Variants in MTUS2 observed in about 807,000 individuals in gnomAD.
MTUS2 encodes microtubule associated scaffold protein 2, also known as microtubule-associated tumor suppressor candidate 2.
MTUS2 carries 40 observed loss-of-function variants against 114.1 expected under a neutral mutation model. That is an observed-to-expected ratio of 0.35 (90% CI 0.27 to 0.46). The LOEUF (loss-of-function observed/expected upper bound fraction) is 0.46. MTUS2 is among the 20% of genes least tolerant of loss of function. The pLI is 1.00. For missense variants in MTUS2, 1,679 were observed against 1,705.4 expected (o/e 0.98, Z 0.27); for synonymous variants, 688 against 672.0 (o/e 1.02, Z -0.37).
At chr13:29,252,437 C>T (rs568475345) in intron 5 of MTUS2, among the ~76,000 whole-genome samples, 18 of 152,256 alleles carry the variant, frequency 1.2e-4, no homozygotes, top group African/African-American at 2.9e-4. Flanking sequence ...GGTCTAAATG[C>T]GTCCTGGCCA....
At chr13:28,907,446 A>G (rs1455637856) in intron 2 of MTUS2, among the ~76,000 whole-genome samples, 1 of 151,600 alleles carries the variant, frequency 6.6e-6, no homozygotes, top group Admixed American at 6.6e-5. Context: ...CAATTAAAAG[A>G]CAGAGAGTGG....
chr13:29,008,476 C>G (rs1885697234), intron 2 of MTUS2, among the ~76,000 whole-genome samples: 1 of 152,232 alleles, frequency 6.6e-6, no homozygotes, highest in African/African-American at 2.4e-5. Flanking sequence ...CCTTTTGGTT[C>G]ATCTGTCCTG....
At chr13:28,985,920 G>A (rs560258044) in intron 2 of MTUS2, among the ~76,000 whole-genome samples, 6 of 152,242 alleles carry the variant, frequency 3.9e-5, no homozygotes, top group African/African-American at 1.4e-4. Flanking sequence ...TTTCCAGCCC[G>A]ATGGCCCACC....
intron 4 of MTUS2, among the ~76,000 whole-genome samples, chr13:29,039,267 A>G (rs1887232100): frequency 1.3e-5 from 2 of 152,212 alleles, no homozygotes; most frequent in Non-Finnish European, 2.9e-5. Context: ...ACAACAGTGC[A>G]GTGGTAGGGA....
At chr13:29,363,353 T>C (rs1209054334) in intron 8 of MTUS2, among the ~76,000 whole-genome samples, 1 of 152,220 alleles carries the variant, frequency 6.6e-6, no homozygotes, top group African/African-American at 2.4e-5. Context: ...CTTTGTTAAC[T>C]TTATGAATGT....
chr13:29,372,066 G>C (rs1347749565), intron 8 of MTUS2, among the ~76,000 whole-genome samples: 2 of 142,010 alleles, frequency 1.4e-5, no homozygotes, highest in Non-Finnish European at 3.0e-5. Context: ...TCATTTCACA[G>C]TGTAGATGTG....
intron 2 of MTUS2, among the ~76,000 whole-genome samples, chr13:28,996,103 A>C (rs934462292): frequency 6.6e-6 from 1 of 152,190 alleles, no homozygotes; most frequent in African/African-American, 2.4e-5. Flanking sequence ...AGTTTTTAGC[A>C]TGAAGGGTTG....
intron 5 of MTUS2, among the ~76,000 whole-genome samples, chr13:29,169,442 A>G (rs1188179022): frequency 6.6e-6 from 1 of 152,156 alleles, no homozygotes; most frequent in East Asian, 1.9e-4. Flanking sequence ...ATTGGAATTT[A>G]AGAGGTGGTG....
At chr13:28,966,724 C>CAAAAAAAAAAAAAAAAAAA (rs10597818) in intron 2 of MTUS2, among the ~76,000 whole-genome samples, 1 of 82,276 alleles carries the variant, frequency 1.2e-5, no homozygotes, top group Non-Finnish European at 2.2e-5. Context: ...GACCCTGTCT[C>CAAAAAAAAAAAAAAAAAAA]AAAAAAAAAA....
intron 7 of MTUS2, among the ~76,000 whole-genome samples, chr13:29,350,983 A>C (rs1387078085): frequency 1.4e-5 from 2 of 143,354 alleles, no homozygotes; most frequent in Admixed American, 6.9e-5. Context: ...ATATATATAT[A>C]TCTTCAGAGG....
intron 4 of MTUS2, among the ~76,000 whole-genome samples, chr13:29,048,211 T>C (rs1887725571): frequency 6.6e-6 from 1 of 152,216 alleles, no homozygotes; most frequent in South Asian, 2.1e-4. Flanking sequence ...TCTCTACAGT[T>C]CTTATTTAGG....
At chr13:29,113,441 T>G (rs1890960783) in intron 5 of MTUS2, among the ~76,000 whole-genome samples, 1 of 152,202 alleles carries the variant, frequency 6.6e-6, no homozygotes, top group African/African-American at 2.4e-5. Context: ...AATAGGGCCC[T>G]CCTGTCTCTT....
intron 2 of MTUS2, among the ~76,000 whole-genome samples, chr13:29,002,182 A>G (rs904838578): frequency 2.6e-5 from 4 of 152,240 alleles, no homozygotes; most frequent in African/African-American, 9.6e-5. Flanking sequence ...AGTGGGCTGT[A>G]TTATACATAC....
intron 1 of MTUS2, among the ~76,000 whole-genome samples, chr13:28,831,491 A>G (rs1312550635): frequency 6.6e-6 from 1 of 152,206 alleles, no homozygotes; most frequent in Non-Finnish European, 1.5e-5. Flanking sequence ...GAGAGCTGGA[A>G]TGGCTATACC....
chr13:29,134,851 G>T (rs1278395824), intron 5 of MTUS2, among the ~76,000 whole-genome samples: 3 of 152,164 alleles, frequency 2.0e-5, no homozygotes, highest in Non-Finnish European at 2.9e-5. Flanking sequence ...CTTCCAAAGT[G>T]CTGGGATTAC....
intron 8 of MTUS2, among the ~76,000 whole-genome samples, chr13:29,407,147 G>A (rs929777104): frequency 1.3e-5 from 2 of 152,174 alleles, no homozygotes; most frequent in African/African-American, 4.8e-5. Context: ...TCTAGAGGCT[G>A]AGGCAGGAGA....
chr13:28,920,090 G>T (rs1421072065), intron 2 of MTUS2, among the ~76,000 whole-genome samples: 1 of 152,094 alleles, frequency 6.6e-6, no homozygotes, highest in Non-Finnish European at 1.5e-5. Flanking sequence ...CAGTTTGTTT[G>T]GTGAGGTCAT....
chr13:28,920,331 T>TTGG (rs536425588), intron 2 of MTUS2, among the ~76,000 whole-genome samples: 74 of 152,340 alleles, frequency 4.9e-4, no homozygotes, highest in African/African-American at 1.8e-3. Context: ...AGGTGCTGCC[T>TTGG]TGGTGGTCTT....
At chr13:29,474,062 C>T (rs528223743) in intron 9 of MTUS2, among the ~76,000 whole-genome samples, 1 of 152,338 alleles carries the variant, frequency 6.6e-6, no homozygotes, top group South Asian at 2.1e-4. Flanking sequence ...CCAATATTTT[C>T]TACAGGCCTA....
Sources: allele counts gnomAD v4.1 joint callset (sites outside exome capture counted in the v4.1 genomes callset), GRCh38; gene constraint gnomAD v4.1.1; transcripts MANE v1.5; gene names NCBI Gene and HGNC (gene_info 2026-07-23, HGNC 2026-07-21).